The following TENM4 variants were observed in gnomAD, a reference collection of about 807,000 sequenced individuals.
The protein encoded by TENM4 is teneurin-4.
TENM4 carries 82 observed loss-of-function variants against 243.3 expected under a neutral mutation model. The observed-to-expected ratio is 0.34, with a 90% CI of 0.28 to 0.40. TENM4 has a LOEUF of 0.40. Ranked by LOEUF, TENM4 falls within the 10% of genes least tolerant of loss-of-function variation. TENM4 has a pLI of 1.00. For missense variants in TENM4, 3,138 were observed against 3,673.3 expected (o/e 0.85, Z 3.77); for synonymous variants, 1,412 against 1,456.3 (o/e 0.97, Z 0.69).
chr11:79,222,764 A>G (rs562163468), intron 2 of TENM4, among the ~76,000 whole-genome samples: 1 of 152,098 alleles, frequency 6.6e-6, no homozygotes, highest in Non-Finnish European at 1.5e-5. Context: ...AGTGATGTTG[A>G]GCTTTTTTTA....
chr11:79,336,456 A>G (rs1172221183), intron 1 of TENM4, among the ~76,000 whole-genome samples: 1 of 152,184 alleles, frequency 6.6e-6, no homozygotes, highest in Non-Finnish European at 1.5e-5. Flanking sequence ...TCTGTTATAA[A>G]AGGTATAACA....
chr11:78,982,706 G>A (rs1171693233), intron 6 of TENM4, among the ~76,000 whole-genome samples: 1 of 152,052 alleles, frequency 6.6e-6, no homozygotes, highest in East Asian at 1.9e-4. Flanking sequence ...CCCTCAGAAG[G>A]GCTTATACAA....
intron 6 of TENM4, among the ~76,000 whole-genome samples, chr11:78,954,085 G>A (rs1180616450): frequency 6.6e-6 from 1 of 152,188 alleles, no homozygotes; most frequent in Non-Finnish European, 1.5e-5. Context: ...AGGAGAGGAA[G>A]GGAAGGGAGA....
At chr11:79,268,893 T>C (rs1383962104) in intron 2 of TENM4, among the ~76,000 whole-genome samples, 2 of 152,174 alleles carry the variant, frequency 1.3e-5, no homozygotes, top group East Asian at 1.9e-4. Context: ...ATATGCAAAA[T>C]GTATGTGCTA....
chr11:78,847,935 A>G (rs982405255), intron 12 of TENM4, among the ~76,000 whole-genome samples: 4 of 152,180 alleles, frequency 2.6e-5, no homozygotes, highest in South Asian at 2.1e-4. Flanking sequence ...ATACCCAATC[A>G]AAGTAGGAGA....
chr11:78,898,326 C>T (rs1855843550), intron 7 of TENM4, among the ~76,000 whole-genome samples: 1 of 152,210 alleles, frequency 6.6e-6, no homozygotes, highest in African/African-American at 2.4e-5. Flanking sequence ...AATCTAAATC[C>T]CTCTTGGTCA....
intron 4 of TENM4, among the ~76,000 whole-genome samples, chr11:79,073,387 T>G (rs564233200): frequency 1.7e-4 from 26 of 152,298 alleles, no homozygotes; most frequent in African/African-American, 6.3e-4. Flanking sequence ...TAGATGATCT[T>G]TTTTTCATGT....
At chr11:79,135,908 C>T (rs1862101337) in intron 4 of TENM4, among the ~76,000 whole-genome samples, 1 of 151,260 alleles carries the variant, frequency 6.6e-6, no homozygotes, top group South Asian at 2.1e-4. Flanking sequence ...AGATTGGAGA[C>T]TATTATTCTA....
Position 78,733,098 on chromosome 11 carries a change from C to T in TENM4, c.2877-521G>A, listed in dbSNP as rs560407645. Among the ~76,000 whole-genome samples the T allele has an allele frequency of 4.6e-5, 7 of 152,312 alleles. No homozygotes were observed. The East Asian group carries it at 1.3e-3, about 29-fold the overall frequency. ...TTCTTAAGTCTCTAAGATTCTATGA[C>T]TCCACAGCAATCTTAGCTCTAATTG... On this transcript the variant is annotated intron_variant, in intron 20 of 33. Transcript: ENST00000278550.
chr11:79,201,834 G>T (rs561083621), intron 3 of TENM4, among the ~76,000 whole-genome samples: 1 of 152,332 alleles, frequency 6.6e-6, no homozygotes, highest in East Asian at 1.9e-4. Flanking sequence ...GGGAAGATCA[G>T]TGTGGGCTGG....
chr11:79,241,704 G>A (rs1855422670), intron 2 of TENM4, among the ~76,000 whole-genome samples: 1 of 152,166 alleles, frequency 6.6e-6, no homozygotes, highest in Non-Finnish European at 1.5e-5. Context: ...ATGATGATGT[G>A]TTCACATGTG....
intron 6 of TENM4, among the ~76,000 whole-genome samples, chr11:78,977,411 T>C (rs1857686688): frequency 6.6e-6 from 1 of 152,232 alleles, no homozygotes; most frequent in Non-Finnish European, 1.5e-5. Flanking sequence ...CTTGTGGAAC[T>C]TACACTATAA....
intron 2 of TENM4, among the ~76,000 whole-genome samples, chr11:79,264,911 C>T (rs1159680375): frequency 6.6e-6 from 1 of 152,194 alleles, no homozygotes; most frequent in Non-Finnish European, 1.5e-5. Flanking sequence ...TAGGATTTCT[C>T]AGAGACACCT....
chr11:78,698,511 T>C (rs1859027841), intron 28 of TENM4, among the ~76,000 whole-genome samples: 1 of 151,832 alleles, frequency 6.6e-6, no homozygotes, highest in Non-Finnish European at 1.5e-5. Flanking sequence ...TTTAGAAAAA[T>C]AGAACATTTC....
Position 78,995,120 on chromosome 11 carries a change from C to T in TENM4, c.493+69618G>A, listed in dbSNP as rs988026985. On this transcript the variant is annotated intron_variant, in intron 6 of 33. Transcript: ENST00000278550. ...CTCTATGATATATGCACTATATTTC[C>T]TAGAATGAGTAAGAGTTAACCAGGA... 4.6e-5 allele frequency among the ~76,000 whole-genome samples: 7 copies of T among 152,082 alleles called. No homozygotes were observed. The East Asian group carries it at 1.2e-3, about 25-fold the overall frequency.
intron 27 of TENM4, among the ~76,000 whole-genome samples, chr11:78,706,414 C>G (rs1859249403): frequency 6.6e-6 from 1 of 152,218 alleles, no homozygotes; most frequent in Admixed American, 6.5e-5. Context: ...ACTCATGCCT[C>G]TGAGCTGTGT....
At chr11:79,128,736 T>C (rs1861932939) in intron 4 of TENM4, among the ~76,000 whole-genome samples, 1 of 152,188 alleles carries the variant, frequency 6.6e-6, no homozygotes, top group South Asian at 2.1e-4. Context: ...CTTTGAGCAG[T>C]GCACCTAAAC....
intron 19 of TENM4, among the ~76,000 whole-genome samples, chr11:78,745,633 G>A (rs940378785): frequency 1.3e-5 from 2 of 152,126 alleles, no homozygotes; most frequent in African/African-American, 4.8e-5. Flanking sequence ...GAACAAATCG[G>A]TGAGAATCCA....
At chr11:78,809,800 G>A (rs1857459684) in intron 14 of TENM4, among the ~76,000 whole-genome samples, 1 of 152,158 alleles carries the variant, frequency 6.6e-6, no homozygotes, top group Admixed American at 6.5e-5. Context: ...ATTTCTGGCA[G>A]AAGCATAGCC....
Sources: allele counts gnomAD v4.1 joint callset (sites outside exome capture counted in the v4.1 genomes callset), GRCh38; gene constraint gnomAD v4.1.1; transcripts MANE v1.5; gene names NCBI Gene and HGNC (gene_info 2026-07-23, HGNC 2026-07-21).